Variants in TLN2 observed in about 807,000 individuals in gnomAD.
TLN2 encodes talin-2.
A neutral mutation model predicts 294.7 loss-of-function variants in TLN2; 118 were observed. The observed-to-expected ratio is 0.40, with a 90% CI of 0.34 to 0.47. The LOEUF (loss-of-function observed/expected upper bound fraction) is 0.47, where lower values mean the gene tolerates loss of function less well. Among genes scored for constraint, TLN2 ranks in the 20% least tolerant of loss-of-function variants. The pLI is 0.84. For missense variants in TLN2, 3,083 were observed against 3,282.2 expected (o/e 0.94, Z 1.48); for synonymous variants, 1,431 against 1,304.5 (o/e 1.10, Z -2.09).
At chr15:62,760,244 G>A (rs1408495935) in intron 37 of TLN2, among the ~76,000 whole-genome samples, 4 of 152,172 alleles carry the variant, frequency 2.6e-5, no homozygotes, top group Non-Finnish European at 4.4e-5. Flanking sequence ...AGCCAGGCTT[G>A]CGGGAATTCC....
At chr15:62,437,512 A>G (rs140808497) in intron 1 of TLN2, among the ~76,000 whole-genome samples, 1 of 151,946 alleles carries the variant, frequency 6.6e-6, no homozygotes, top group East Asian at 1.9e-4. Flanking sequence ...TGTGAAGATT[A>G]TAGGTGTGAG....
chr15:62,461,686 G>A (rs2036813651), intron 1 of TLN2, among the ~76,000 whole-genome samples: 2 of 152,202 alleles, frequency 1.3e-5, no homozygotes, highest in Admixed American at 1.3e-4. Flanking sequence ...CAGTTGTTTT[G>A]GATGGTCTCT....
At chr15:62,643,900 C>T (rs2140923363) in intron 3 of TLN2, among the ~76,000 whole-genome samples, 1 of 152,272 alleles carries the variant, frequency 6.6e-6, no homozygotes, top group East Asian at 1.9e-4. Flanking sequence ...GGGCACTTAG[C>T]TGTCCTGGGA....
intron 54 of TLN2, chr15:62,832,743 C>T (rs960465595): frequency 2.0e-5 from 3 of 152,106 alleles, no homozygotes; most frequent in African/African-American, 7.2e-5. Context: ...TGGTCTATAA[C>T]TCTCTCAGTG....
intron 55 of TLN2, chr15:62,835,383 C>T (rs1399574876): frequency 4.0e-5 from 12 of 303,540 alleles, no homozygotes; most frequent in Non-Finnish European, 6.8e-5. Context: ...GGCCTAGTGG[C>T]TCCCACATAT....
Position 62,600,826 on chromosome 15 carries a change from A to G in TLN2, c.-162+11064A>G, listed in dbSNP as rs992386285. 2.6e-5 allele frequency among the ~76,000 whole-genome samples: 4 copies of G among 152,238 alleles called. No homozygotes were observed. The East Asian group carries it at 5.8e-4, about 22-fold the overall frequency. On this transcript the variant is annotated intron_variant, in intron 2 of 58. Coordinates refer to ENST00000636159, the MANE Select transcript of TLN2 (RefSeq NM_015059.3). ...CACCTCTTTATTATTTCCTGTCACT[A>G]TTTCAGTATATGTGTCAAATAGATA...
At chr15:62,473,106 C>T (rs564715432) in intron 1 of TLN2, among the ~76,000 whole-genome samples, 1 of 152,308 alleles carries the variant, frequency 6.6e-6, no homozygotes, top group African/African-American at 2.4e-5. Context: ...TGGGAGGCAG[C>T]CTCAGAGGTC....
intron 1 of TLN2, among the ~76,000 whole-genome samples, chr15:62,482,502 G>A (rs1328226446): frequency 1.3e-5 from 2 of 151,614 alleles, no homozygotes; most frequent in African/African-American, 2.4e-5. Flanking sequence ...CTCAGGAGGG[G>A]GGAGGCAGGA....
intron 1 of TLN2, among the ~76,000 whole-genome samples, chr15:62,392,513 G>A (rs2032184647): frequency 6.6e-6 from 1 of 152,186 alleles, no homozygotes; most frequent in East Asian, 1.9e-4. Flanking sequence ...TGGAGGCAGC[G>A]ACCTCTCTGG....
chr15:62,554,266 T>C (rs960892552), intron 1 of TLN2, among the ~76,000 whole-genome samples: 2 of 150,950 alleles, frequency 1.3e-5, no homozygotes. Flanking sequence ...CATTCATGTA[T>C]TTCAGGGAAT....
chr15:62,738,198 C>G lies in TLN2; in HGVS notation c.3568-16C>G. 3 of 1,612,890 alleles carry G rather than the reference C, an allele frequency of 1.9e-6. No homozygotes were observed. The highest frequency in any genetic ancestry group is 2.5e-6 in the Non-Finnish European group (3 of 1,179,468). On this transcript the variant is annotated splice_polypyrimidine_tract_variant and intron_variant, in intron 29 of 58. Coordinates refer to ENST00000636159, the MANE Select transcript of TLN2 (RefSeq NM_015059.3). ...TGTTTGTACTTAAAGGTGCTTCTCTCTCTCCACGAATTCAGGTGGCTAAAG... is the reference window on the plus strand; with the variant it reads ...TGTTTGTACTTAAAGGTGCTTCTCTGTCTCCACGAATTCAGGTGGCTAAAG...
intron 1 of TLN2, among the ~76,000 whole-genome samples, chr15:62,481,114 C>G (rs1360733433): frequency 6.6e-6 from 1 of 152,168 alleles, no homozygotes; most frequent in East Asian, 1.9e-4. Flanking sequence ...AATCACAATT[C>G]TCTTCCTCAT....
At chr15:62,697,939 C>T (rs1031857813) in intron 15 of TLN2, 71 bp downstream of exon 15, 30 of 1,533,362 alleles carry the variant, frequency 2.0e-5, no homozygotes, top group South Asian at 3.5e-5. Flanking sequence ...ACACCAGCGG[C>T]GGTGATGGGC....
chr15:62,599,093 G>A (rs1175955737), intron 2 of TLN2, among the ~76,000 whole-genome samples: 1 of 152,216 alleles, frequency 6.6e-6, no homozygotes, highest in Non-Finnish European at 1.5e-5. Flanking sequence ...GCGTTAACAT[G>A]TGCTGTCTCT....
intron 1 of TLN2, among the ~76,000 whole-genome samples, chr15:62,415,413 T>C (rs1595753298): frequency 7.0e-6 from 1 of 142,790 alleles, no homozygotes; most frequent in Non-Finnish European, 1.5e-5. Flanking sequence ...ATGAACATTC[T>C]GCTGCTGAAA....
chr15:62,411,427 GGA>G (rs1491464661), intron 1 of TLN2, among the ~76,000 whole-genome samples: 1 of 135,852 alleles, frequency 7.4e-6, no homozygotes, highest in African/African-American at 2.8e-5. Context: ...TGTGAGTAAT[GGA>G]TGTGTGTGTG....
chr15:62,749,128 A>G (rs1019000426), intron 33 of TLN2, among the ~76,000 whole-genome samples: 2 of 152,348 alleles, frequency 1.3e-5, no homozygotes, highest in Non-Finnish European at 2.9e-5. Flanking sequence ...ATCTCAGTAG[A>G]TGTGGGTTGG....
At chr15:62,471,495 C>G (rs2037471347) in intron 1 of TLN2, among the ~76,000 whole-genome samples, 1 of 152,232 alleles carries the variant, frequency 6.6e-6, no homozygotes, top group Non-Finnish European at 1.5e-5. Flanking sequence ...GCTACCCCAG[C>G]CGCACCCTGT....
intron 45 of TLN2, among the ~76,000 whole-genome samples, chr15:62,790,297 G>A (rs778616697): frequency 5.3e-5 from 8 of 152,126 alleles, no homozygotes; most frequent in Non-Finnish European, 8.8e-5. Flanking sequence ...ACTGCTATCC[G>A]TTTGACGTAT....
Sources: allele counts gnomAD v4.1 joint callset (sites outside exome capture counted in the v4.1 genomes callset), GRCh38; gene constraint gnomAD v4.1.1; transcripts MANE v1.5; gene names NCBI Gene and HGNC (gene_info 2026-07-23, HGNC 2026-07-21).